The following CEP126 variants were observed in gnomAD, a reference collection of about 807,000 sequenced individuals.
The protein encoded by CEP126 is centrosomal protein 126, also known as centrosomal protein of 126 kDa.
Under a neutral mutation model 107.8 loss-of-function variants are expected in CEP126, and 74 were observed. The ratio of observed to expected loss-of-function variants is 0.69; its 90% CI spans 0.57 to 0.83. CEP126 has a LOEUF of 0.83. Ranked by LOEUF, CEP126 falls within the 40% of genes least tolerant of loss-of-function variation. The pLI, the probability that CEP126 is intolerant of heterozygous loss-of-function variation, is 0.00. For missense variants in CEP126, 1,237 were observed against 1,281.9 expected (o/e 0.96, Z 0.53); for synonymous variants, 449 against 446.0 (o/e 1.01, Z -0.08).
intron 4 of CEP126, among the ~76,000 whole-genome samples, chr11:101,955,528 T>C (rs1239254444): frequency 6.6e-6 from 1 of 152,102 alleles, no homozygotes; most frequent in African/African-American, 2.4e-5. Context: ...CCCATATTCC[T>C]GTATCTGTGT....
chr11:101,929,891 C>A (rs1940467299), intron 2 of CEP126, among the ~76,000 whole-genome samples: 1 of 151,500 alleles, frequency 6.6e-6, no homozygotes, highest in Non-Finnish European at 1.5e-5. Flanking sequence ...GATGGAGTGA[C>A]AGGATTTTTG....
At chr11:101,985,992 C>CTT (rs1402873159) in intron 8 of CEP126, among the ~76,000 whole-genome samples, 14 of 98,016 alleles carry the variant, frequency 1.4e-4, no homozygotes, top group Non-Finnish European at 2.5e-4. Context: ...GAATTGATTT[C>CTT]TTTTTTTTTT....
At chr11:101,961,662 G>T (rs758935239) in intron 5 of CEP126, 79 bp from the exon 6 acceptor site, 1 of 752,180 alleles carries the variant, frequency 1.3e-6, no homozygotes, top group Non-Finnish European at 2.1e-6. Context: ...ATTGGGCTCA[G>T]TAACAATGGT....
chr11:101,987,113 T>C, intron 9 of CEP126, 72 bp downstream of exon 9: 1 of 1,115,350 alleles, frequency 9.0e-7, no homozygotes, highest in Non-Finnish European at 1.3e-6. Context: ...TAAACTTTAA[T>C]TTAAAAATTG....
intron 5 of CEP126, among the ~76,000 whole-genome samples, chr11:101,960,702 A>T (rs980747994): frequency 6.6e-6 from 1 of 152,050 alleles, no homozygotes; most frequent in Non-Finnish European, 1.5e-5. Flanking sequence ...TTTATTTCTT[A>T]GTTTACTTAC....
intron 2 of CEP126, among the ~76,000 whole-genome samples, chr11:101,929,307 A>G (rs1171477271): frequency 1.3e-5 from 2 of 152,196 alleles, no homozygotes; most frequent in African/African-American, 4.8e-5. Context: ...AAACATTTTC[A>G]TACTCTATTA....
At chr11:101,951,367 C>T (rs1940809930) in intron 4 of CEP126, among the ~76,000 whole-genome samples, 1 of 151,930 alleles carries the variant, frequency 6.6e-6, no homozygotes, top group Non-Finnish European at 1.5e-5. Flanking sequence ...TAAAAATTAG[C>T]TGGGCATGCT....
At chr11:101,968,113 G>A (rs945313164) in intron 6 of CEP126, among the ~76,000 whole-genome samples, 1 of 152,056 alleles carries the variant, frequency 6.6e-6, no homozygotes, top group African/African-American at 2.4e-5. Context: ...AGCCATGAAG[G>A]GTAAGAGCTA....
At chr11:101,960,716 G>A (rs1394246015) in intron 5 of CEP126, among the ~76,000 whole-genome samples, 1 of 151,608 alleles carries the variant, frequency 6.6e-6, no homozygotes, top group African/African-American at 2.4e-5. Context: ...TACTTACTGG[G>A]ATAGAAAAAG....
At chr11:101,991,123 G>C (rs1297725751) in intron 9 of CEP126, among the ~76,000 whole-genome samples, 1 of 152,056 alleles carries the variant, frequency 6.6e-6, no homozygotes, top group Non-Finnish European at 1.5e-5. Context: ...GCTGCAATGA[G>C]CCATGATCAT....
intron 2 of CEP126, among the ~76,000 whole-genome samples, chr11:101,925,799 C>T (rs867420929): frequency 4.9e-5 from 7 of 143,280 alleles, no homozygotes; most frequent in Non-Finnish European, 1.1e-4. Flanking sequence ...GGATTACAGG[C>T]GCCCGTCACC....
At chr11:101,992,755 G>A in intron 9 of CEP126, 23 bp from the exon 10 acceptor site, 1 of 1,223,082 alleles carries the variant, frequency 8.2e-7, no homozygotes, top group South Asian at 1.5e-5. Flanking sequence ...AATTATTTTG[G>A]TATTGTGATA....
chr11:101,952,043 A>C (rs1022192850), intron 4 of CEP126, among the ~76,000 whole-genome samples: 3 of 152,232 alleles, frequency 2.0e-5, no homozygotes, highest in Non-Finnish European at 4.4e-5. Context: ...CACTGACATG[A>C]GTGAACACTT....
In CEP126 at chr11:101,915,102, C is replaced by T. The variant is rs1940170612; in HGVS notation, c.-183C>T. 2 of 851,160 alleles carry T rather than the reference C, an allele frequency of 2.3e-6. No individual in the cohort carries two copies. Among genetic ancestry groups the T allele is most frequent in the South Asian group, 2.5e-5 (1 of 40,016 alleles). 52.7% of individuals were successfully genotyped at this position (851,160 alleles called of 1,614,324 possible). On this transcript the variant is annotated 5_prime_UTR_variant, in exon 1 of 11. Coordinates refer to ENST00000263468, the MANE Select transcript of CEP126 (RefSeq NM_020802.4). ...AGGTCGCCGCTGCCTCAGCTGCCAT[C>T]GCCGCTACAGGCACCAGTGCCGCTG... is the stretch of plus-strand genomic sequence containing the variant.
chr11:101,924,520 C>T (rs1940378664), intron 2 of CEP126, among the ~76,000 whole-genome samples: 1 of 151,926 alleles, frequency 6.6e-6, no homozygotes, highest in South Asian at 2.1e-4. Context: ...GGCTGGAGTA[C>T]AGGGGCACAA....
chr11:101,917,072 G>A, intron 1 of CEP126, among the ~76,000 whole-genome samples: 1 of 144,076 alleles, frequency 6.9e-6, no homozygotes, highest in East Asian at 2.1e-4. Context: ...GTGTGTGTGT[G>A]TGTGCTGGTT....
intron 6 of CEP126, among the ~76,000 whole-genome samples, chr11:101,964,698 C>T (rs768685098): frequency 1.4e-4 from 22 of 151,786 alleles, no homozygotes; most frequent in Admixed American, 1.3e-4. Context: ...AAGAGAATGA[C>T]CCAACCAGTG....
chr11:101,983,495 C>T (rs1448124249), intron 8 of CEP126, among the ~76,000 whole-genome samples: 2 of 152,142 alleles, frequency 1.3e-5, no homozygotes, highest in African/African-American at 4.8e-5. Flanking sequence ...AAGCAAAGAT[C>T]TATCATGATG....
At chr11:101,924,297 C>T (rs1033000126) in intron 2 of CEP126, among the ~76,000 whole-genome samples, 2 of 152,230 alleles carry the variant, frequency 1.3e-5, no homozygotes, top group East Asian at 1.9e-4. Context: ...TGTGCACATC[C>T]GAATTTCAGA....
Sources: gnomAD v4.1 joint callset for allele counts (sites outside exome capture counted in the v4.1 genomes callset) on GRCh38, gnomAD v4.1.1 for gene constraint, MANE v1.5 for transcripts, NCBI Gene and HGNC (gene_info 2026-07-23, HGNC 2026-07-21) for gene names.